The following TRIP11 variants were observed in gnomAD, a reference collection of about 807,000 sequenced individuals.
The protein encoded by TRIP11 is thyroid hormone receptor interactor 11.
Under a neutral mutation model 223.1 loss-of-function variants are expected in TRIP11, and 148 were observed. The ratio of observed to expected loss-of-function variants is 0.66; its 90% CI spans 0.58 to 0.76. The LOEUF (loss-of-function observed/expected upper bound fraction) is 0.76, where lower values mean the gene tolerates loss of function less well. TRIP11 is among the 30% of genes least tolerant of loss of function. The probability of loss-of-function intolerance (pLI) is 0.00; values close to 1 mark genes in which losing one functional copy is unlikely to be tolerated. For missense variants in TRIP11, 2,043 were observed against 2,222.0 expected, an observed-to-expected ratio of 0.92 and a Z score of 1.62; for synonymous variants, 762 against 772.6, an observed-to-expected ratio of 0.99 and a Z score of 0.23.
chr14:92,005,064 G>A lies in TRIP11; in HGVS notation c.2912C>T (p.Thr971Ile). The stretch of plus-strand genomic sequence containing the variant: ...CAACTGGGTTTTGATTTGTTCAATT[G>A]TTTTTTGCAAACTCTTAATTTCCTC... ...KDEEIKSLQK[T>I]IEQIKTQLHE... The change falls in exon 11 of 21, where the codon ACA becomes ATA. Residue 971 changes from threonine (T) to isoleucine (I), a missense_variant. Transcript: ENST00000267622. 1 of 1,613,834 alleles carries A rather than the reference G, an allele frequency of 6.2e-7. No homozygotes were observed. Among genetic ancestry groups the A allele is most frequent in the Non-Finnish European group, 8.5e-7 (1 of 1,179,994 alleles).
rs916889656 is a variant in TRIP11 at position 92,006,253 on chromosome 14, G to A, written c.1723C>T (p.His575Tyr). The change falls in exon 11 of 21, where the codon CAT (histidine) becomes TAT (tyrosine). Residue 575 changes from histidine (H) to tyrosine (Y), a missense_variant. Physicochemically the swap from His to Tyr is moderately conservative, Grantham distance 83 (BLOSUM62 2). Transcript: ENST00000267622. The stretch of plus-strand genomic sequence containing the variant: ...TCCTCAAGTTTCTGCTTGGTTAAAT[G>A]TAAATCATTTAGGGCCACTTCACTT... ...IQSEVALNDL[H>Y]LTKQKLEDKV... The A allele has an allele frequency of 6.2e-7, 1 of 1,612,722 alleles. No homozygotes were observed. The highest frequency in any genetic ancestry group is 8.5e-7 in the Non-Finnish European group (1 of 1,179,624).
chr14:91,989,677 G>C (rs1209557840), intron 15 of TRIP11, among the ~76,000 whole-genome samples: 2 of 151,744 alleles, frequency 1.3e-5, no homozygotes, highest in Non-Finnish European at 2.9e-5. Flanking sequence ...ACAGTCCCCA[G>C]TTATTCAATC....
At chr14:92,024,295 C>T (rs755664985) in intron 3 of TRIP11, among the ~76,000 whole-genome samples, 1 of 150,238 alleles carries the variant, frequency 6.7e-6, no homozygotes, top group South Asian at 2.1e-4. Flanking sequence ...TTGCTTGAAC[C>T]GGGATGCAGA....
intron 5 of TRIP11, among the ~76,000 whole-genome samples, chr14:92,016,645 T>A (rs1232312170): frequency 6.6e-6 from 1 of 152,106 alleles, no homozygotes; most frequent in Non-Finnish European, 1.5e-5. Flanking sequence ...AAAAAAAAGA[T>A]CCTAATCTAT....
Position 92,004,015 on chromosome 14 carries a change from A to T in TRIP11, c.3961T>A (p.Leu1321Met). 6.2e-7 allele frequency: 1 copy of T among 1,614,192 alleles called. No individual in the cohort carries two copies. Among genetic ancestry groups the T allele is most frequent in the African/African-American group, 1.3e-5 (1 of 75,060 alleles). ...CACTCTGCAGACTGGGGAGTAAGCAATGATGCAGAAGACAGCTGGGGTGAA... is the reference window on the plus strand; with the variant it reads ...CACTCTGCAGACTGGGGAGTAAGCATTGATGCAGAAGACAGCTGGGGTGAA... ...IISPQLSSASLLTPQSAECLR... is the reference protein window; with the variant it reads ...IISPQLSSASMLTPQSAECLR... The change falls in exon 11 of 21, where the codon TTG becomes ATG. Residue 1321 changes from leucine (L) to methionine (M), a missense_variant. Coordinates refer to ENST00000267622, the MANE Select transcript of TRIP11 (RefSeq NM_004239.4).
At chr14:91,971,387 C>T (rs926975311) in intron 20 of TRIP11, among the ~76,000 whole-genome samples, 2 of 152,152 alleles carry the variant, frequency 1.3e-5, no homozygotes, top group Non-Finnish European at 2.9e-5. Context: ...CTTCCAAATT[C>T]AAGATTAAAG....
intron 16 of TRIP11, among the ~76,000 whole-genome samples, chr14:91,980,207 A>G (rs1209825738): frequency 6.6e-6 from 1 of 152,260 alleles, no homozygotes; most frequent in African/African-American, 2.4e-5. Flanking sequence ...TTGGCACATC[A>G]TAATTTTACA....
At chr14:91,987,295 C>CT (rs112021222) in intron 16 of TRIP11, among the ~76,000 whole-genome samples, 1,980 of 152,184 alleles carry the variant, frequency 0.013, 44 homozygotes, top group African/African-American at 0.044. Flanking sequence ...TCACATCTAT[C>CT]TTTTTTTCTC....
At chr14:91,976,669 G>A (rs1242354780) in intron 16 of TRIP11, among the ~76,000 whole-genome samples, 5 of 152,192 alleles carry the variant, frequency 3.3e-5, no homozygotes, top group Admixed American at 6.5e-5. Flanking sequence ...TCAGGATGCA[G>A]TGGATAGGAC....
In TRIP11 at chr14:91,999,327, G is replaced by A. The variant is rs1012136976; in HGVS notation, c.4805C>T (p.Ala1602Val). Residue 1602 changes from alanine to valine, a missense_variant, in exon 13 of 21, where the codon GCA (alanine) becomes GTA (valine). Coordinates refer to ENST00000267622, the MANE Select transcript of TRIP11 (RefSeq NM_004239.4). ...EDSYTREALA[A>V]EDREAKLRKK... ...TCTTAGTTTAGCCTCTCTATCTTCT[G>A]CAGCCAAAGCTTCACGGGTATAAGA... The A allele has an allele frequency of 3.1e-6, 5 of 1,613,734 alleles. No homozygotes were observed. Among genetic ancestry groups the A allele is most frequent in the Admixed American group, 1.7e-5 (1 of 59,998 alleles).
Position 91,967,135 on chromosome 14 carries a change from CTTTTTTTTT to C in TRIP11, c.*2529_*2537del, listed in dbSNP as rs547805058. 1.3e-4 allele frequency: 11 copies of C among 85,560 alleles called. No homozygotes were observed. The highest frequency in any genetic ancestry group is 5.4e-4 in the East Asian group (2 of 3,736). The allele number at this position is 85,560 out of a possible 1,614,324, so 5.3% of individuals were successfully genotyped here. ...ACAATGAAAACATTAGGTACTATAG[CTTTTTTTTT>C]TTTTTTTTTTTTTTTGAGACAGAGT... On this transcript the variant is annotated 3_prime_UTR_variant, in exon 21 of 21. Transcript: ENST00000267622.
rs1202076399 is a variant in TRIP11, at chr14:91,999,979, G to C, written c.4687C>G (p.Leu1563Val). 6.2e-7 allele frequency: 1 copy of C among 1,613,630 alleles called. No homozygotes were observed. The highest frequency in any genetic ancestry group is 1.3e-5 in the African/African-American group (1 of 74,838). Residue 1563 changes from leucine to valine, a missense_variant, in exon 12 of 21, where the codon CTA becomes GTA. Leu to Val is a conservative substitution (Grantham distance 32). Coordinates refer to ENST00000267622, the MANE Select transcript of TRIP11 (RefSeq NM_004239.4). ...AAGTGAAAGTATACCTCATTCTGTA[G>C]GGCAGTATTTTCCATTTGTTTTTGT... ...LKQKQMENTA[L>V]QNEVQRLRDK...
chr14:91,995,451 C>A lies in TRIP11; in HGVS notation c.4957G>T (p.Asp1653Tyr). The change falls in exon 14 of 21, where the codon GAT (aspartate) becomes TAT (tyrosine). Residue 1653 changes from aspartate (D) to tyrosine (Y), a missense_variant. Asp to Tyr is a radical substitution (Grantham distance 160, BLOSUM62 -3). Transcript: ENST00000267622. ...EQLNVVSKQR[D>Y]ETALQLSVSQ... ...ACAGAAAGCTGCAGCGCAGTTTCAT[C>A]CCTTTGCTTGGAAACTACATTCAAC... 6.2e-7 allele frequency: 1 copy of A among 1,614,126 alleles called. No homozygotes were observed. The highest frequency in any genetic ancestry group is 8.5e-7 in the Non-Finnish European group (1 of 1,180,024).
chr14:91,969,614 A>C lies in TRIP11; in HGVS notation c.*59T>G, dbSNP rs571487642. On this transcript the variant is annotated 3_prime_UTR_variant, in exon 21 of 21. Transcript: ENST00000267622. ...CAAAGGCCACTTTGTGATAAAGTAC[A>C]TACATATAGTGTTCATGGTTTCTTT... The C allele has an allele frequency of 2.0e-6, 3 of 1,538,072 alleles. No individual in the cohort carries two copies. Among genetic ancestry groups the C allele is most frequent in the Non-Finnish European group, 2.7e-6 (3 of 1,112,800 alleles).
At chr14:91,981,915 G>A (rs2056550173) in intron 16 of TRIP11, among the ~76,000 whole-genome samples, 1 of 148,854 alleles carries the variant, frequency 6.7e-6, no homozygotes, top group Non-Finnish European at 1.5e-5. Context: ...AGGAGTTCAA[G>A]ACCAGCCTGA....
chr14:91,999,495 T>C, intron 12 of TRIP11, 62 bp from the exon 13 acceptor site: 1 of 1,525,174 alleles, frequency 6.6e-7, no homozygotes, highest in Non-Finnish European at 9.0e-7. Flanking sequence ...ACAAACCATT[T>C]TGTTATCAAA....
At chr14:92,007,993 G>A (rs1329936420) in intron 9 of TRIP11, 141 bp from the exon 10 acceptor site, 4 of 675,568 alleles carry the variant, frequency 5.9e-6, no homozygotes, top group African/African-American at 1.8e-5. Context: ...CTCAATAATT[G>A]TATGTGAAAT....
chr14:91,967,479 T>A lies in TRIP11; in HGVS notation c.*2194A>T, dbSNP rs2140074946. On this transcript the variant is annotated 3_prime_UTR_variant, in exon 21 of 21. Coordinates refer to ENST00000267622, the MANE Select transcript of TRIP11 (RefSeq NM_004239.4). ...GGACAAGGTCACATATTTATTTAAA[T>A]AGCAGCCATTTAATATCATGCTCTG... 1 of 191,366 alleles carries A rather than the reference T, an allele frequency of 5.2e-6. No individual in the cohort carries two copies. Among genetic ancestry groups the A allele is most frequent in the East Asian group, 8.3e-5 (1 of 12,102 alleles). 11.9% of individuals were successfully genotyped at this position (191,366 alleles called of 1,614,324 possible).
intron 5 of TRIP11, 39 bp downstream of exon 5, chr14:92,017,643 G>T: frequency 6.7e-7 from 1 of 1,486,180 alleles, no homozygotes; most frequent in Non-Finnish European, 9.4e-7. Context: ...AGCAGATTTA[G>T]ATGTATAACT....
Sources: allele counts gnomAD v4.1 joint callset (sites outside exome capture counted in the v4.1 genomes callset), GRCh38; gene constraint gnomAD v4.1.1; transcripts MANE v1.5; gene names NCBI Gene and HGNC (gene_info 2026-07-23, HGNC 2026-07-21).